FBLN2: variants seen among roughly 807,000 people sequenced by gnomAD.
FBLN2 encodes the protein fibulin-2.
A neutral mutation model predicts 123.7 loss-of-function variants in FBLN2; 81 were observed. That is an observed-to-expected ratio of 0.65 (90% CI 0.55 to 0.79). The LOEUF (loss-of-function observed/expected upper bound fraction) is 0.79, where lower values mean the gene tolerates loss of function less well. Among genes scored for constraint, FBLN2 ranks in the 30% least tolerant of loss-of-function variants. FBLN2 has a pLI of 0.00. For missense variants in FBLN2, 1,603 were observed against 1,681.3 expected (o/e 0.95, Z 0.81); for synonymous variants, 699 against 701.4 (o/e 1.00, Z 0.05).
Position 13,554,970 on chromosome 3 carries a change from A to G in FBLN2, c.-42+5762A>G, listed in dbSNP as rs1415592836. Among the ~76,000 whole-genome samples, 3 of 122,556 alleles carry G rather than the reference A, an allele frequency of 2.4e-5. No homozygotes were observed. The East Asian group carries it at 6.9e-4, about 28-fold the overall frequency. 80.4% of individuals were successfully genotyped at this position (122,556 alleles called of 152,430 possible). On this transcript the variant is annotated intron_variant, in intron 1 of 17. Coordinates refer to ENST00000404922, the MANE Select transcript of FBLN2 (RefSeq NM_001004019.2). The stretch of plus-strand genomic sequence containing the variant: ...TACTTTTTTTTTTTTTTTTTTTTTT[A>G]AATACTGAATTTTACTCTGTCACCC...
chr3:13,558,012 C>T (rs939950634), intron 1 of FBLN2, among the ~76,000 whole-genome samples: 1 of 152,196 alleles, frequency 6.6e-6, no homozygotes, highest in African/African-American at 2.4e-5. Flanking sequence ...TGGGCCAGAC[C>T]CCGCTGTTGG....
chr3:13,610,634 C>T (rs976039975), intron 4 of FBLN2, among the ~76,000 whole-genome samples: 1 of 152,146 alleles, frequency 6.6e-6, no homozygotes, highest in African/African-American at 2.4e-5. Context: ...AGCAGGAGAT[C>T]AGTTTGTCTA....
chr3:13,597,111 T>C (rs995136810), intron 2 of FBLN2, among the ~76,000 whole-genome samples: 2 of 152,060 alleles, frequency 1.3e-5, no homozygotes, highest in African/African-American at 2.4e-5. Context: ...TTTAAATTTT[T>C]TGTAGAGATG....
intron 2 of FBLN2, among the ~76,000 whole-genome samples, chr3:13,593,732 A>AAAAAAAG (rs1704751279): frequency 6.7e-6 from 1 of 149,554 alleles, no homozygotes; most frequent in African/African-American, 2.5e-5. Flanking sequence ...AAAAAAAAAA[A>AAAAAAAG]GTGGAAGATA....
intron 4 of FBLN2, among the ~76,000 whole-genome samples, chr3:13,613,050 C>CT (rs1705457588): frequency 6.6e-6 from 1 of 152,166 alleles, no homozygotes; most frequent in African/African-American, 2.4e-5. Context: ...ATGGCCTTGG[C>CT]TGGGATGACT....
At chr3:13,587,302 G>A (rs1704541758) in intron 2 of FBLN2, among the ~76,000 whole-genome samples, 1 of 152,056 alleles carries the variant, frequency 6.6e-6, no homozygotes, top group Non-Finnish European at 1.5e-5. Flanking sequence ...AATTTATAAA[G>A]TAAAAACATT....
At chr3:13,566,698 T>TTGGCGGGGCCCAGACCTGGGCGGGGCCCA (rs1703758135) in intron 1 of FBLN2, among the ~76,000 whole-genome samples, 1 of 152,198 alleles carries the variant, frequency 6.6e-6, no homozygotes, top group African/African-American at 2.4e-5. Flanking sequence ...CCAGACGACT[T>TTGGCGGGGCCCAGACCTGGGCGGGGCCCA]GGGGAACCTG....
chr3:13,560,835 AC>A (rs1418132937), intron 1 of FBLN2, among the ~76,000 whole-genome samples: 1 of 151,960 alleles, frequency 6.6e-6, no homozygotes, highest in African/African-American at 2.4e-5. Flanking sequence ...TCTTTTAGAT[AC>A]GGGGTTTTGC....
At chr3:13,603,025 C>T (rs1401644783) in intron 2 of FBLN2, among the ~76,000 whole-genome samples, 2 of 151,658 alleles carry the variant, frequency 1.3e-5, no homozygotes, top group African/African-American at 4.8e-5. Flanking sequence ...ATTTTTGTCC[C>T]TCAGCCTCCC....
chr3:13,606,738 G>A (rs145321197), intron 2 of FBLN2, among the ~76,000 whole-genome samples: 9,847 of 152,012 alleles, frequency 0.065, 469 homozygotes, highest in East Asian at 0.28. Flanking sequence ...CACAACCTCC[G>A]CCTCCCAGGT....
chr3:13,586,853 A>C (rs1399635796), intron 2 of FBLN2, among the ~76,000 whole-genome samples: 2 of 151,678 alleles, frequency 1.3e-5, no homozygotes, highest in Non-Finnish European at 2.9e-5. Context: ...TTAAAAAAAA[A>C]AAATTGAAAA....
intron 5 of FBLN2, among the ~76,000 whole-genome samples, chr3:13,617,131 CATCCATTCATCA>C (rs1338409784): frequency 1.7e-4 from 24 of 138,648 alleles, no homozygotes; most frequent in African/African-American, 7.2e-4. Flanking sequence ...TTCATTTGCC[CATCCATTCATCA>C]ATCCATCCAT....
chr3:13,563,520 C>A (rs189740309), intron 1 of FBLN2, among the ~76,000 whole-genome samples: 76 of 152,264 alleles, frequency 5.0e-4, no homozygotes, highest in African/African-American at 1.7e-3. Flanking sequence ...GAGATGCAGT[C>A]TTGCCCAGCT....
At chr3:13,603,380 T>G (rs1303544947) in intron 2 of FBLN2, among the ~76,000 whole-genome samples, 3 of 145,822 alleles carry the variant, frequency 2.1e-5, no homozygotes, top group East Asian at 2.1e-4. Flanking sequence ...AATGCTATCC[T>G]TCCCCCCTCC....
chr3:13,581,402 T>C (rs1704323996), intron 2 of FBLN2, among the ~76,000 whole-genome samples: 1 of 151,796 alleles, frequency 6.6e-6, no homozygotes, highest in Non-Finnish European at 1.5e-5. Context: ...GGAGGTCAGG[T>C]GTGGGTTTGG....
chr3:13,582,163 T>C (rs771931455), intron 2 of FBLN2, among the ~76,000 whole-genome samples: 2 of 152,170 alleles, frequency 1.3e-5, no homozygotes, highest in Non-Finnish European at 2.9e-5. Context: ...TCCCGGATGC[T>C]GTGGTTCCAA....
intron 2 of FBLN2, among the ~76,000 whole-genome samples, chr3:13,599,064 T>C (rs960117656): frequency 3.3e-5 from 5 of 152,236 alleles, no homozygotes; most frequent in Admixed American, 6.5e-5. Context: ...GTGAAGGCCC[T>C]GAGTCTCACT....
At chr3:13,583,017 G>A (rs1384854211) in intron 2 of FBLN2, among the ~76,000 whole-genome samples, 1 of 152,286 alleles carries the variant, frequency 6.6e-6, no homozygotes, top group Non-Finnish European at 1.5e-5. Context: ...GCAGCAGCGT[G>A]TTCCTCACTG....
Position 13,629,956 on chromosome 3 carries a change from C to T in FBLN2, c.2968+11C>T, listed in dbSNP as rs1332347779. ...GCAAGCGCTGTGAAGGTAGGCTGGCCCTCATCTCTGACCCTATGCCGCCTG... is the reference window on the plus strand; with the variant it reads ...GCAAGCGCTGTGAAGGTAGGCTGGCTCTCATCTCTGACCCTATGCCGCCTG... On this transcript the variant is annotated intron_variant, in intron 14 of 17. Transcript: ENST00000404922. 3 of 1,609,896 alleles carry T rather than the reference C, an allele frequency of 1.9e-6. No individual in the cohort carries two copies. Among genetic ancestry groups the T allele is most frequent in the Admixed American group, 3.4e-5 (2 of 59,676 alleles).
Sources: gnomAD v4.1 joint callset for allele counts (sites outside exome capture counted in the v4.1 genomes callset) on GRCh38, gnomAD v4.1.1 for gene constraint, MANE v1.5 for transcripts, NCBI Gene and HGNC (gene_info 2026-07-23, HGNC 2026-07-21) for gene names.